Variants in CREB5 observed in about 807,000 individuals in gnomAD.
CREB5 encodes cyclic AMP-responsive element-binding protein 5.
Under a neutral mutation model 57.1 loss-of-function variants are expected in CREB5, and 19 were observed. The ratio of observed to expected loss-of-function variants is 0.33; its 90% confidence interval spans 0.23 to 0.49. CREB5 has a LOEUF of 0.49. Among genes scored for constraint, CREB5 ranks in the 20% least tolerant of loss-of-function variants. The probability of loss-of-function intolerance (pLI) is 0.99; values close to 1 mark genes in which losing one functional copy is unlikely to be tolerated. For missense variants in CREB5, 579 were observed against 671.6 expected, an observed-to-expected ratio of 0.86 and a Z score of 1.52; for synonymous variants, 238 against 238.3, an observed-to-expected ratio of 1.00 and a Z score of 0.01.
chr7:28,529,001 A>C (rs1793597930), intron 4 of CREB5, among the ~76,000 whole-genome samples: 1 of 152,196 alleles, frequency 6.6e-6, no homozygotes, highest in East Asian at 1.9e-4. Flanking sequence ...CTCATAACCA[A>C]GGAGACACAC....
intron 1 of CREB5, among the ~76,000 whole-genome samples, chr7:28,367,665 A>G (rs554063498): frequency 1.0e-3 from 156 of 152,152 alleles, no homozygotes; most frequent in Non-Finnish European, 1.9e-3. Context: ...AAAATTAGCC[A>G]GGCGTGGCAG....
chr7:28,599,600 G>A (rs187727193), intron 5 of CREB5, among the ~76,000 whole-genome samples: 64 of 152,230 alleles, frequency 4.2e-4, no homozygotes, highest in Admixed American at 1.1e-3. Context: ...GAAACCATGC[G>A]CCCCTATGTG....
chr7:28,330,174 CGTG>C (rs913114910), intron 1 of CREB5, among the ~76,000 whole-genome samples: 1 of 152,180 alleles, frequency 6.6e-6, no homozygotes, highest in African/African-American at 2.4e-5. Context: ...CCGATTCTCT[CGTG>C]TTGCATGTGA....
chr7:28,376,262 A>C (rs1434240043), intron 1 of CREB5, among the ~76,000 whole-genome samples: 12 of 147,370 alleles, frequency 8.1e-5, no homozygotes, highest in Non-Finnish European at 1.8e-4. Flanking sequence ...GAGTTCTTCC[A>C]GAGAAGTACT....
chr7:28,746,820 C>T (rs771244138), intron 7 of CREB5, among the ~76,000 whole-genome samples: 3 of 152,124 alleles, frequency 2.0e-5, no homozygotes, highest in East Asian at 3.9e-4. Flanking sequence ...TGAGGTAATT[C>T]GTATTTTAAT....
intron 7 of CREB5, among the ~76,000 whole-genome samples, chr7:28,768,957 C>T (rs988666023): frequency 6.6e-6 from 1 of 152,218 alleles, no homozygotes; most frequent in Non-Finnish European, 1.5e-5. Context: ...CTTTCTCATT[C>T]TTCCAGACCA....
Position 28,724,205 on chromosome 7 carries a change from T to G in CREB5, c.592-17T>G. ...TGCCTTTGCAGACTTCTAATTCTTTTCTTTCCTTTCTCTTAGATGGAGCGA... is the reference window on the plus strand; with the variant it reads ...TGCCTTTGCAGACTTCTAATTCTTTGCTTTCCTTTCTCTTAGATGGAGCGA... On this transcript the variant is annotated splice_polypyrimidine_tract_variant and intron_variant, in intron 6 of 10. Transcript: ENST00000357727. 2 of 1,607,402 alleles carry G rather than the reference T, an allele frequency of 1.2e-6. No individual in the cohort carries two copies. Among genetic ancestry groups the G allele is most frequent in the Non-Finnish European group, 1.7e-6 (2 of 1,177,368 alleles).
At chr7:28,791,378 T>TCCTTC (rs1807702327) in intron 7 of CREB5, among the ~76,000 whole-genome samples, 1 of 152,030 alleles carries the variant, frequency 6.6e-6, no homozygotes, top group Non-Finnish European at 1.5e-5. Context: ...TTTCTCACCT[T>TCCTTC]CCTTCTTGCC....
chr7:28,438,463 AT>A (rs373261302), intron 1 of CREB5, among the ~76,000 whole-genome samples: 3 of 151,956 alleles, frequency 2.0e-5, no homozygotes, highest in Non-Finnish European at 2.9e-5. Flanking sequence ...TATTTGAAAG[AT>A]TTTTTTTCTA....
chr7:28,529,126 C>A (rs1412048611), intron 4 of CREB5, among the ~76,000 whole-genome samples: 1 of 152,190 alleles, frequency 6.6e-6, no homozygotes, highest in Non-Finnish European at 1.5e-5. Flanking sequence ...TGACCTGGAG[C>A]ACAACTGGTG....
rs1324614077 is a variant in CREB5, at chr7:28,420,817, A to AT, written c.3+7900_3+7901insT. Among the ~76,000 whole-genome samples, 65 of 151,472 alleles carry AT rather than the reference A, an allele frequency of 4.3e-4. 1 individual carries two copies. Among genetic ancestry groups the AT allele is most frequent in the African/African-American group, 1.5e-3 (63 of 40,952 alleles). On this transcript the variant is annotated intron_variant, in intron 1 of 10. Coordinates refer to ENST00000357727, the MANE Select transcript of CREB5 (RefSeq NM_182898.4). ...AGCAAGACTCCATCTCAAAAAAAAA[A>AT]AAAAAAAAAAAAGGTTAGGGTGGCA...
At chr7:28,383,767 G>C (rs888101425) in intron 1 of CREB5, among the ~76,000 whole-genome samples, 1 of 152,184 alleles carries the variant, frequency 6.6e-6, no homozygotes, top group African/African-American at 2.4e-5. Flanking sequence ...CTGGACATGC[G>C]ATTTGGGTGG....
chr7:28,818,359 G>T (rs1407273116), intron 10 of CREB5, among the ~76,000 whole-genome samples, 180 bp downstream of exon 10: 2 of 152,042 alleles, frequency 1.3e-5, no homozygotes, highest in African/African-American at 2.4e-5. Flanking sequence ...TCTGACCCCT[G>T]TGCAACACCA....
Position 28,812,702 on chromosome 7 carries a change from C to A in CREB5, c.1254+3288C>A, listed in dbSNP as rs186721492. On this transcript the variant is annotated intron_variant, in intron 9 of 10. Coordinates refer to ENST00000357727, the MANE Select transcript of CREB5 (RefSeq NM_182898.4). ...GTTCTCTGTGAAGCTGAGTGTCCTG[C>A]ATCAGGCCCCGGGATGCTGGAGAGG... 2.2e-3 allele frequency among the ~76,000 whole-genome samples: 330 copies of A among 152,298 alleles called. 1 individual carries two copies. The highest frequency in any genetic ancestry group is 4.0e-3 in the Non-Finnish European group (273 of 68,022).
rs1786588379 is a variant in CREB5, at chr7:28,366,437, CT to C, written c.-25+66997del. ...CATTTAACTTGTGTATGTGAGGATA[CT>C]ACTACTTATTGTTATTGTGAGACAG... On this transcript the variant is annotated intron_variant, in intron 1 of 9. Coordinates refer to the CREB5 transcript ENST00000396299. 2.0e-5 allele frequency among the ~76,000 whole-genome samples: 3 copies of C among 152,076 alleles called. No individual in the cohort carries two copies. In the South Asian group the frequency reaches 6.2e-4, roughly 31 times the overall value.
At chr7:28,307,817 A>G (rs1785215466) in intron 1 of CREB5, among the ~76,000 whole-genome samples, 1 of 152,226 alleles carries the variant, frequency 6.6e-6, no homozygotes. Context: ...GAGGAGGAAG[A>G]CAGATAATGA....
chr7:28,811,119 G>A (rs537092756), intron 9 of CREB5, among the ~76,000 whole-genome samples: 11 of 152,092 alleles, frequency 7.2e-5, no homozygotes, highest in Non-Finnish European at 4.4e-5. Context: ...TTATAGTGTA[G>A]TGTCTACACT....
At chr7:28,309,091 C>T (rs954124778) in intron 1 of CREB5, among the ~76,000 whole-genome samples, 5 of 152,280 alleles carry the variant, frequency 3.3e-5, no homozygotes, top group Non-Finnish European at 5.9e-5. Context: ...CCAGACTGCC[C>T]ATTTTGCCTT....
chr7:28,615,814 C>T (rs1220907400), intron 5 of CREB5: 2 of 152,202 alleles, frequency 1.3e-5, no homozygotes, highest in African/African-American at 2.4e-5. Flanking sequence ...AGGCCAGGTT[C>T]GTGACCCTGG....
Sources: gnomAD v4.1 joint callset for allele counts (sites outside exome capture counted in the v4.1 genomes callset) on GRCh38, gnomAD v4.1.1 for gene constraint, MANE v1.5 for transcripts, NCBI Gene and HGNC (gene_info 2026-07-23, HGNC 2026-07-21) for gene names.